Variants in CCNY observed in about 807,000 individuals in gnomAD.
The protein encoded by CCNY is cyclin Y.
CCNY carries 19 observed loss-of-function variants against 42.8 expected under a neutral mutation model. The ratio of observed to expected loss-of-function variants is 0.44; its 90% CI spans 0.31 to 0.65. CCNY has a LOEUF of 0.65. Among genes scored for constraint, CCNY ranks in the 30% least tolerant of loss-of-function variants. The pLI, the probability that CCNY is intolerant of heterozygous loss-of-function variation, is 0.07. For synonymous variants in CCNY, 165 were observed against 162.7 expected, an observed-to-expected ratio of 1.01 and a Z score of -0.11; for missense variants, 370 against 437.3, an observed-to-expected ratio of 0.85 and a Z score of 1.37.
At chr10:35,354,460 C>T (rs1466011060) in intron 1 of CCNY, among the ~76,000 whole-genome samples, 1 of 152,156 alleles carries the variant, frequency 6.6e-6, no homozygotes, top group Non-Finnish European at 1.5e-5. Context: ...GCTGGGATTA[C>T]AGGCATGAGT....
At chr10:35,488,391 C>T (rs1839829246) in intron 2 of CCNY, among the ~76,000 whole-genome samples, 1 of 152,238 alleles carries the variant, frequency 6.6e-6, no homozygotes. Flanking sequence ...CAACTTTCCA[C>T]TGCCCTGTCG....
intron 1 of CCNY, among the ~76,000 whole-genome samples, chr10:35,436,299 GT>G (rs1186981965): frequency 6.6e-6 from 1 of 152,210 alleles, no homozygotes; most frequent in African/African-American, 2.4e-5. Context: ...ATCCTTATGG[GT>G]CCCCCACCCC....
At chr10:35,480,826 G>C (rs970067183) in intron 1 of CCNY, among the ~76,000 whole-genome samples, 1 of 151,940 alleles carries the variant, frequency 6.6e-6, no homozygotes, top group African/African-American at 2.4e-5. Flanking sequence ...AATTAGCCAG[G>C]CTTGTGGTAC....
At chr10:35,345,182 G>A (rs1056886388) in intron 1 of CCNY, among the ~76,000 whole-genome samples, 7 of 152,164 alleles carry the variant, frequency 4.6e-5, no homozygotes, top group South Asian at 4.2e-4. Flanking sequence ...ACTAGTTTAC[G>A]TCCTACCAAC....
chr10:35,373,458 G>C (rs1202546661), intron 1 of CCNY, among the ~76,000 whole-genome samples: 1 of 152,128 alleles, frequency 6.6e-6, no homozygotes, highest in Non-Finnish European at 1.5e-5. Flanking sequence ...TTGAGGGCAA[G>C]GATGGTGTAC....
chr10:35,526,540 G>C (rs1840656282), intron 5 of CCNY, among the ~76,000 whole-genome samples: 1 of 152,056 alleles, frequency 6.6e-6, no homozygotes, highest in Non-Finnish European at 1.5e-5. Context: ...AAACATGTAA[G>C]AATACATTCA....
chr10:35,505,098 G>A (rs1222050006), intron 3 of CCNY, among the ~76,000 whole-genome samples: 26 of 149,392 alleles, frequency 1.7e-4, no homozygotes, highest in Non-Finnish European at 5.9e-5. Context: ...AAAAATCTCT[G>A]ATTATAGATT....
At chr10:35,366,439 C>T (rs1836809243) in intron 1 of CCNY, among the ~76,000 whole-genome samples, 1 of 152,136 alleles carries the variant, frequency 6.6e-6, no homozygotes. Context: ...TTTTGTGGTT[C>T]CTGCATCATT....
intron 1 of CCNY, among the ~76,000 whole-genome samples, chr10:35,478,321 G>T (rs1483720096): frequency 6.6e-6 from 1 of 151,856 alleles, no homozygotes; most frequent in East Asian, 1.9e-4. Context: ...AAAAGAGCGC[G>T]CATCACCAAG....
At chr10:35,281,279 ATTATTTATTTATTATTTAT>A (rs1234948276) in intron 3 of CCNY, among the ~76,000 whole-genome samples, 1 of 151,948 alleles carries the variant, frequency 6.6e-6, no homozygotes, top group African/African-American at 2.4e-5. Flanking sequence ...AGGAATTTTT[ATTATTTATTTATTATTTAT>A]TTATTTATTT....
At chr10:35,505,615 A>G (rs1420962565) in intron 3 of CCNY, among the ~76,000 whole-genome samples, 1 of 152,140 alleles carries the variant, frequency 6.6e-6, no homozygotes, top group Non-Finnish European at 1.5e-5. Context: ...TTGAAATCTC[A>G]GTTTTCTTAT....
intron 1 of CCNY, among the ~76,000 whole-genome samples, chr10:35,420,724 C>G (rs1838140378): frequency 6.6e-6 from 1 of 152,162 alleles, no homozygotes; most frequent in African/African-American, 2.4e-5. Flanking sequence ...TTTTTTAAAG[C>G]AAATATGTTT....
chr10:35,563,738 C>A (rs1841510826), intron 8 of CCNY, among the ~76,000 whole-genome samples: 1 of 152,138 alleles, frequency 6.6e-6, no homozygotes, highest in Non-Finnish European at 1.5e-5. Flanking sequence ...CAGAGTTTCG[C>A]TCTCGTTGCC....
At position 35,545,336 on chromosome 10, in the gene CCNY, C is replaced by A. The variant is rs572147154; in HGVS notation, c.580-7683C>A. ...ACACTGGGTGGCTTCAACACCAGAA[C>A]TTCATTGTCTCCCAGTCCTGGAGGC... On this transcript the variant is annotated intron_variant, in intron 7 of 9. Transcript: ENST00000374704. Among the ~76,000 whole-genome samples, 276 of 152,320 alleles carry A rather than the reference C, an allele frequency of 1.8e-3. 1 individual carries two copies. Among genetic ancestry groups the A allele is most frequent in the Non-Finnish European group, 3.1e-3 (209 of 68,026 alleles).
chr10:35,336,707 G>C lies in CCNY; in HGVS notation c.-347G>C, dbSNP rs1009163689. Among the ~76,000 whole-genome samples the C allele has an allele frequency of 6.8e-6, 1 of 147,354 alleles. No individual in the cohort carries two copies. Among genetic ancestry groups the C allele is most frequent in the Non-Finnish European group, 1.5e-5 (1 of 66,080 alleles). On this transcript the variant is annotated 5_prime_UTR_variant, in exon 1 of 10. Coordinates refer to ENST00000374704, the MANE Select transcript of CCNY (RefSeq NM_145012.6). The stretch of plus-strand genomic sequence containing the variant: ...GACACCAACTGGGGAAGCGCGGGGG[G>C]GAGGCGGCCTGCGCGGCGCCGCCCG...
intron 1 of CCNY, among the ~76,000 whole-genome samples, chr10:35,447,882 G>T (rs1356034506): frequency 1.3e-5 from 2 of 152,208 alleles, no homozygotes; most frequent in African/African-American, 4.8e-5. Flanking sequence ...GAAAACAAAA[G>T]ATATGCTTTT....
At chr10:35,536,399 G>GT (rs1840888435) in intron 7 of CCNY, among the ~76,000 whole-genome samples, 1 of 152,182 alleles carries the variant, frequency 6.6e-6, no homozygotes, top group Non-Finnish European at 1.5e-5. Flanking sequence ...ATTGGTAGCA[G>GT]TAGAGTGGGG....
intron 3 of CCNY, among the ~76,000 whole-genome samples, chr10:35,275,056 CTTTT>C (rs34467762): frequency 3.1e-5 from 2 of 64,884 alleles, no homozygotes; most frequent in Admixed American, 2.3e-4. Context: ...ACCGTCATTC[CTTTT>C]TTTTTTTTTT....
At chr10:35,490,074 T>G (rs1564431918) in intron 2 of CCNY, among the ~76,000 whole-genome samples, 2 of 152,208 alleles carry the variant, frequency 1.3e-5, no homozygotes, top group Admixed American at 6.5e-5. Flanking sequence ...AGTCTTCATG[T>G]TTATACATCT....
Sources: gnomAD v4.1 joint callset for allele counts (sites outside exome capture counted in the v4.1 genomes callset) on GRCh38, gnomAD v4.1.1 for gene constraint, MANE v1.5 for transcripts, NCBI Gene and HGNC (gene_info 2026-07-23, HGNC 2026-07-21) for gene names.